The following CLDN14 variants were observed in gnomAD, a reference collection of about 807,000 sequenced individuals.
The protein encoded by CLDN14 is claudin-14.
Under a neutral mutation model 2.1 loss-of-function variants are expected in CLDN14, and 2 were observed. That is an observed-to-expected ratio of 0.96 (90% CI 0.39 to 3.01). The LOEUF is 3.01. Among genes scored for constraint, CLDN14 ranks in the 30% most tolerant of loss-of-function variants. The pLI, the probability that CLDN14 is intolerant of heterozygous loss-of-function variation, is 0.09. For missense variants in CLDN14, 298 were observed against 328.0 expected (o/e 0.91, Z 0.71); for synonymous variants, 136 against 154.4 (o/e 0.88, Z 0.88).
At chr21:36,489,131 A>AATATATATATATATAT (rs1555847001) in intron 2 of CLDN14, among the ~76,000 whole-genome samples, 1 of 62,738 alleles carries the variant, frequency 1.6e-5, no homozygotes, top group African/African-American at 5.9e-5. Context: ...AAAAAAAAAA[A>AATATATATATATATAT]ATATATATAT....
At chr21:36,489,131 A>AAAAAAAAAAAAAAATAT in intron 2 of CLDN14, among the ~76,000 whole-genome samples, 1 of 62,738 alleles carries the variant, frequency 1.6e-5, no homozygotes, top group African/African-American at 5.9e-5. Context: ...AAAAAAAAAA[A>AAAAAAAAAAAAAAATAT]ATATATATAT....
At chr21:36,514,620 AAAGT>A (rs1194356879) in intron 1 of CLDN14, among the ~76,000 whole-genome samples, 1 of 10,014 alleles carries the variant, frequency 1.0e-4, no homozygotes, top group Non-Finnish European at 3.3e-4. Flanking sequence ...ATCGTGAGAG[AAAGT>A]GTGTGTGTGT....
chr21:36,481,052 T>A (rs2086840737), upstream of CLDN14: 1 of 152,130 alleles, frequency 6.6e-6, no homozygotes. Context: ...TCTGCATAGC[T>A]TTTTTGGTCT....
intron 1 of CLDN14, among the ~76,000 whole-genome samples, chr21:36,536,933 G>A (rs889043949): frequency 2.6e-5 from 4 of 152,216 alleles, no homozygotes; most frequent in African/African-American, 9.6e-5. Context: ...GCTCACACCT[G>A]TAATCCCAGC....
intron 1 of CLDN14, among the ~76,000 whole-genome samples, chr21:36,531,517 A>G (rs2087379836): frequency 6.6e-6 from 1 of 151,928 alleles, no homozygotes; most frequent in African/African-American, 2.4e-5. Flanking sequence ...CACACGCCTC[A>G]GCCTCCCAGA....
chr21:36,496,541 A>G (rs1033261694), intron 2 of CLDN14, among the ~76,000 whole-genome samples: 5 of 150,130 alleles, frequency 3.3e-5, no homozygotes, highest in East Asian at 2.0e-4. Flanking sequence ...ATTTAGAACC[A>G]GGCAGGAGAT....
At chr21:36,565,140 G>T (rs917819164) in intron 1 of CLDN14, among the ~76,000 whole-genome samples, 4 of 152,220 alleles carry the variant, frequency 2.6e-5, no homozygotes, top group Non-Finnish European at 4.4e-5. Context: ...ATTGACACAA[G>T]TTACACAAGC....
In CLDN14 at chr21:36,499,116, A is replaced by C. The variant is rs1032562114; in HGVS notation, c.-82+11247T>G. Among the ~76,000 whole-genome samples, 4 of 152,172 alleles carry C rather than the reference A, an allele frequency of 2.6e-5. No individual in the cohort carries two copies. Among genetic ancestry groups the C allele is most frequent in the Admixed American group, 1.3e-4 (2 of 15,282 alleles). On this transcript the variant is annotated intron_variant, in intron 2 of 2. Coordinates refer to the CLDN14 transcript ENST00000342108. The surrounding 1 kb of genome is among the most constrained non-coding windows in gnomAD (Gnocchi z 4.7). Reference sequence around the variant, plus strand: ...TCATTGAAGGAGGAGTAGAGAGATGATATCATTGACCACAGGACTCAAGAA... The same window carrying C: ...TCATTGAAGGAGGAGTAGAGAGATGCTATCATTGACCACAGGACTCAAGAA...
rs774310564 is a variant in CLDN14, at chr21:36,498,613, G to A, written c.-82+11750C>T. ...GCACTGTTGCAGGCGATGGGGACGT[G>A]GAACTGGTAGGACCGATGGCTAAGC... is the stretch of plus-strand genomic sequence containing the variant. On this transcript the variant is annotated intron_variant, in intron 2 of 2. Coordinates refer to the CLDN14 transcript ENST00000342108. This position sits in a 1 kb window ranked among gnomAD's most constrained non-coding sequence, Gnocchi z 4.9. 6.6e-6 allele frequency among the ~76,000 whole-genome samples: 1 copy of A among 152,188 alleles called. No homozygotes were observed. The highest frequency in any genetic ancestry group is 1.5e-5 in the Non-Finnish European group (1 of 68,042).
intron 1 of CLDN14, among the ~76,000 whole-genome samples, chr21:36,462,925 C>G (rs1402104732): frequency 8.2e-6 from 1 of 121,850 alleles, no homozygotes; most frequent in Non-Finnish European, 1.7e-5. Context: ...CTCAAAAAAA[C>G]AAAACAAGCA....
chr21:36,486,126 C>A (rs1382231251), intron 2 of CLDN14: 3 of 1,315,570 alleles, frequency 2.3e-6, no homozygotes, highest in Non-Finnish European at 3.3e-6. Context: ...AACTCAGGAT[C>A]CTGCATCACG....
At chr21:36,546,680 A>G (rs2087527875) in intron 1 of CLDN14, among the ~76,000 whole-genome samples, 1 of 152,250 alleles carries the variant, frequency 6.6e-6, no homozygotes. Context: ...AGGCAAGAAG[A>G]GCAAACATAA....
At chr21:36,470,170 A>G (rs219756) in intron 1 of CLDN14, among the ~76,000 whole-genome samples, 60,400 of 151,972 alleles carry the variant, frequency 0.4, 13,517 homozygotes, top group African/African-American at 0.62. Flanking sequence ...TAGGGGATGC[A>G]ATGGATTGAC....
chr21:36,470,506 C>T (rs1482039931), intron 1 of CLDN14, among the ~76,000 whole-genome samples: 1 of 152,168 alleles, frequency 6.6e-6, no homozygotes, highest in African/African-American at 2.4e-5. Flanking sequence ...GATGCTCCCT[C>T]ACAGCCCTGG....
chr21:36,477,807 C>G (rs2086796102), intron 1 of CLDN14, among the ~76,000 whole-genome samples: 1 of 152,228 alleles, frequency 6.6e-6, no homozygotes, highest in South Asian at 2.1e-4. Flanking sequence ...AGAAAATTCC[C>G]CACACTATGT....
intron 1 of CLDN14, among the ~76,000 whole-genome samples, chr21:36,569,914 C>G (rs2087697284): frequency 6.6e-6 from 1 of 152,210 alleles, no homozygotes. Flanking sequence ...AGACAGGTCT[C>G]AATCCATTTA....
At chr21:36,561,400 T>TG (rs1348235239) in intron 1 of CLDN14, among the ~76,000 whole-genome samples, 2 of 152,178 alleles carry the variant, frequency 1.3e-5, no homozygotes, top group Non-Finnish European at 2.9e-5. Context: ...TCTCTTGACT[T>TG]GGGGGAGGAC....
chr21:36,525,367 T>G (rs2087315831), intron 1 of CLDN14, among the ~76,000 whole-genome samples: 4 of 145,508 alleles, frequency 2.7e-5, no homozygotes, highest in Non-Finnish European at 3.0e-5. Context: ...GGATGGAAGG[T>G]GAGTTTCAAG....
At chr21:36,500,721 C>T (rs750346638) in intron 2 of CLDN14, among the ~76,000 whole-genome samples, 1 of 152,232 alleles carries the variant, frequency 6.6e-6, no homozygotes, top group Non-Finnish European at 1.5e-5. Flanking sequence ...CGCACGTCAC[C>T]GTGCCCGGCT....
Sources: gnomAD v4.1 joint callset for allele counts (sites outside exome capture counted in the v4.1 genomes callset) on GRCh38, gnomAD v4.1.1 for gene constraint, Gnocchi (gnomAD v3.1) non-coding constraint, MANE v1.5 for transcripts, NCBI Gene and HGNC (gene_info 2026-07-23, HGNC 2026-07-21) for gene names.